The following MRPS12 variants were observed in gnomAD, a reference collection of about 807,000 sequenced individuals.
The protein encoded by MRPS12 is mitochondrial ribosomal protein S12.
A neutral mutation model predicts 8.4 loss-of-function variants in MRPS12; 7 were observed. That is an observed-to-expected ratio of 0.83 (90% confidence interval 0.47 to 1.56). The LOEUF (loss-of-function observed/expected upper bound fraction) is 1.56. Ranked by LOEUF, MRPS12 falls within the 40% of genes most tolerant of loss-of-function variation. The pLI is 0.01. For missense variants in MRPS12, 200 were observed against 194.1 expected (o/e 1.03, Z -0.18); for synonymous variants, 84 against 84.1 (o/e 1.00, Z 0.01).
Position 38,930,954 on chromosome 19 carries a change from A to G in MRPS12, c.-64A>G. On this transcript the variant is annotated 5_prime_UTR_variant, in exon 1 of 3. Coordinates refer to ENST00000308018, the MANE Select transcript of MRPS12 (RefSeq NM_033362.4). ...CGGATAGCGCCCGGAAGAGGCTAGA[A>G]GCTGGATTCAGCGTGTCCGCGACCT... 1 of 628,772 alleles carries G rather than the reference A, an allele frequency of 1.6e-6. No homozygotes were observed. The allele number at this position is 628,772 out of a possible 1,614,324, so 38.9% of individuals were successfully genotyped here. A position where few individuals can be genotyped will look rare whatever the true frequency, so the allele number is the denominator to read the frequency against.
chr19:38,932,773 C>T lies in MRPS12; in HGVS notation c.*73C>T, dbSNP rs1974787249. 1.9e-6 allele frequency: 3 copies of T among 1,551,882 alleles called. No homozygotes were observed. Among genetic ancestry groups the T allele is most frequent in the Middle Eastern group, 2.3e-4 (1 of 4,328 alleles). ...CCGCTCCTGGCTGCCACAGGGTCCT[C>T]CGATGCTGGCCTTTGCGCCTCTAGA... On this transcript the variant is annotated 3_prime_UTR_variant, in exon 3 of 3. Transcript: ENST00000308018.
intron 2 of MRPS12, 24 bp from the exon 3 acceptor site, chr19:38,932,309 A>G: frequency 6.6e-7 from 1 of 1,505,178 alleles, no homozygotes; most frequent in Non-Finnish European, 8.9e-7. Context: ...CTCTGGGATA[A>G]TAACCCCTTT....
Position 38,932,999 on chromosome 19 carries a change from A to G in MRPS12, c.*299A>G. On this transcript the variant is annotated 3_prime_UTR_variant, in exon 3 of 3. Transcript: ENST00000308018. ...GCTGGGAAGGGGTTTTAATAAACAG[A>G]CCCTGGCGCTTGTGATGTAAATCCC... 3 of 336,502 alleles carry G rather than the reference A, an allele frequency of 8.9e-6. No homozygotes were observed. The highest frequency in any genetic ancestry group is 5.5e-6 in the Non-Finnish European group (1 of 182,230). 20.8% of individuals were successfully genotyped at this position (336,502 alleles called of 1,614,324 possible).
chr19:38,931,437 C>T lies in MRPS12; in HGVS notation c.49+94C>T, dbSNP rs1974748332. 7.1e-6 allele frequency: 9 copies of T among 1,267,312 alleles called. 1 individual carries two copies. In the South Asian group the frequency reaches 1.3e-4, roughly 19 times the overall value. The allele number at this position is 1,267,312 out of a possible 1,614,324, so 78.5% of individuals were successfully genotyped here. On this transcript the variant is annotated intron_variant, in intron 2 of 2. Transcript: ENST00000308018. ...GCCTCCGTCGGAGCCCCGAGGGAAA[C>T]GGGGGTGGAAAAACACGGTGGGGTT...
chr19:38,932,426 A>G lies in MRPS12; in HGVS notation c.143A>G (p.Lys48Arg). 1 of 1,610,756 alleles carries G rather than the reference A, an allele frequency of 6.2e-7. No homozygotes were observed. Among genetic ancestry groups the G allele is most frequent in the Non-Finnish European group, 8.5e-7 (1 of 1,177,894 alleles). Residue 48 changes from lysine (K) to arginine (R), a missense_variant, in exon 3 of 3, where the codon AAG becomes AGG. Physicochemically the swap from Lys to Arg is conservative, Grantham distance 26. Transcript: ENST00000308018. The part of the protein sequence containing the change: ...RLGPPKRPPR[K>R]LGPTEGRPQL... ...GGGCCCCCCAAGCGGCCGCCTCGGA[A>G]GCTGGGCCCCACGGAAGGCCGGCCG...
At chr19:38,931,052 C>T in intron 1 of MRPS12, 54 bp downstream of exon 1, 2 of 598,498 alleles carry the variant, frequency 3.3e-6, no homozygotes, top group South Asian at 4.0e-5. Context: ...CCCAGTTTCC[C>T]AGTTCTTCCT....
rs1466464127 is a variant in MRPS12, at chr19:38,932,676, C to T, written c.393C>T (p.Asp131=). The part of the protein sequence containing the change: ...VKLTVVRGKY[D]CGHVQKK ...TCACCGTTGTGCGTGGCAAGTACGA[C>T]TGTGGCCACGTGCAGAAGAAGTGAC... The change falls in exon 3 of 3, where the codon GAC becomes GAT. Residue 131 remains aspartate (D), a synonymous_variant. Coordinates refer to ENST00000308018, the MANE Select transcript of MRPS12 (RefSeq NM_033362.4). The T allele has an allele frequency of 1.9e-6, 3 of 1,613,396 alleles. No individual in the cohort carries two copies. The highest frequency in any genetic ancestry group is 2.5e-6 in the Non-Finnish European group (3 of 1,179,972).
In MRPS12 at chr19:38,932,537, T is replaced by A; in HGVS notation, c.254T>A (p.Leu85His). Reference protein sequence around the residue: ...SANRKCCRVRLSTGREAVCFI... With the variant: ...SANRKCCRVRHSTGREAVCFI... ...AATCGCAAGTGCTGTCGAGTGCGGC[T>A]CAGCACTGGCCGCGAGGCCGTCTGC... The change falls in exon 3 of 3, where the codon CTC (leucine) becomes CAC (histidine). Residue 85 changes from leucine to histidine, a missense_variant. Transcript: ENST00000308018. 1 of 1,613,254 alleles carries A rather than the reference T, an allele frequency of 6.2e-7. No individual in the cohort carries two copies. The highest frequency in any genetic ancestry group is 8.5e-7 in the Non-Finnish European group (1 of 1,179,492).
rs749583880 is a variant in MRPS12, at chr19:38,932,601, G to T, written c.318G>T (p.Gln106His). The T allele has an allele frequency of 6.2e-7, 1 of 1,613,776 alleles. No homozygotes were observed. The highest frequency in any genetic ancestry group is 2.2e-5 in the East Asian group (1 of 44,888). The change falls in exon 3 of 3, where the codon CAG (glutamine) becomes CAT (histidine). Residue 106 changes from glutamine (Q) to histidine (H), a missense_variant. Transcript: ENST00000308018. ...AGGGCCACACCCTGCAGGAGCACCA[G>T]ATTGTCCTTGTGGAGGGCGGCCGCA... ...PGEGHTLQEH[Q>H]IVLVEGGRTQ...
At chr19:38,932,251 C>A (rs1283401977) in intron 2 of MRPS12, 82 bp from the exon 3 acceptor site, 2 of 1,413,376 alleles carry the variant, frequency 1.4e-6, no homozygotes, top group East Asian at 4.8e-5. Flanking sequence ...GTGCTTTAAA[C>A]AATGCCTAAA....
chr19:38,931,047 T>C (rs1275470445), intron 1 of MRPS12, 49 bp downstream of exon 1: 2 of 596,806 alleles, frequency 3.4e-6, no homozygotes, highest in Admixed American at 6.0e-5. Flanking sequence ...ATCTCCCCAG[T>C]TTCCCAGTTC....
At chr19:38,931,425 C>T in intron 2 of MRPS12, 82 bp downstream of exon 2, 8 of 1,346,620 alleles carry the variant, frequency 5.9e-6, no homozygotes, top group Non-Finnish European at 8.0e-6. Context: ...TCCGTCGGAG[C>T]CCCGAGGGAA....
chr19:38,932,750 G>T lies in MRPS12; in HGVS notation c.*50G>T. ...CGCCCCTGCAGAACATGAACCTTCCGCTCCTGGCTGCCACAGGGTCCTCCG... is the reference window on the plus strand; with the variant it reads ...CGCCCCTGCAGAACATGAACCTTCCTCTCCTGGCTGCCACAGGGTCCTCCG... On this transcript the variant is annotated 3_prime_UTR_variant, in exon 3 of 3. Transcript: ENST00000308018. 6.3e-7 allele frequency: 1 copy of T among 1,580,424 alleles called. No homozygotes were observed. Among genetic ancestry groups the T allele is most frequent in the Non-Finnish European group, 8.6e-7 (1 of 1,165,496 alleles).
chr19:38,932,363 C>CTTG lies in MRPS12; in HGVS notation c.80_81insTTG (p.Cys28dup), dbSNP rs1243578514. 1.3e-6 allele frequency: 2 copies of CTTG among 1,560,832 alleles called. No homozygotes were observed. Among genetic ancestry groups the CTTG allele is most frequent in the Non-Finnish European group, 1.7e-6 (2 of 1,150,146 alleles). On this transcript the variant is annotated inframe_insertion, in exon 3 of 3. Transcript: ENST00000308018. ...GCTCTGGTTCCCCGGCTCTGGGCTACCTGCTCCATGGCTACCCTGAACCAG... is the reference window on the plus strand; with the variant it reads ...GCTCTGGTTCCCCGGCTCTGGGCTACTTGCTGCTCCATGGCTACCCTGAACCAG...
intron 2 of MRPS12, 36 bp downstream of exon 2, chr19:38,931,379 GA>G (rs757528286): frequency 6.5e-6 from 10 of 1,546,292 alleles, no homozygotes; most frequent in Middle Eastern, 1.8e-4. Flanking sequence ...GACGAGGCTA[GA>G]GGGGGAGGGT....
At chr19:38,931,107 C>T (rs970744168) in intron 1 of MRPS12, 109 bp downstream of exon 1, 2 of 665,012 alleles carry the variant, frequency 3.0e-6, no homozygotes, top group Admixed American at 5.4e-5. Flanking sequence ...CCACTCAGAG[C>T]GAGGCTAAAT....
chr19:38,932,852 A>G lies in MRPS12; in HGVS notation c.*152A>G, dbSNP rs964738504. Reference sequence around the variant, plus strand: ...CTCCGCCTCTTCCATCAGGACCACTATTAAGCCATAGGAGTCCTGGGGGTG... The same window carrying G: ...CTCCGCCTCTTCCATCAGGACCACTGTTAAGCCATAGGAGTCCTGGGGGTG... On this transcript the variant is annotated 3_prime_UTR_variant, in exon 3 of 3. Transcript: ENST00000308018. 2 of 1,128,730 alleles carry G rather than the reference A, an allele frequency of 1.8e-6. No homozygotes were observed. Among genetic ancestry groups the G allele is most frequent in the Non-Finnish European group, 2.5e-6 (2 of 812,546 alleles). 69.9% of individuals were successfully genotyped at this position (1,128,730 alleles called of 1,614,324 possible).
At chr19:38,932,199 T>C in intron 2 of MRPS12, 134 bp from the exon 3 acceptor site, 3 of 776,964 alleles carry the variant, frequency 3.9e-6, no homozygotes, top group Non-Finnish European at 3.7e-6. Context: ...GTTACTTTTG[T>C]CTGTAGATAA....
At position 38,932,414 on chromosome 19, in the gene MRPS12, G is replaced by C. The variant is rs375471558; in HGVS notation, c.131G>C (p.Arg44Pro). 1 of 1,608,242 alleles carries C rather than the reference G, an allele frequency of 6.2e-7. No individual in the cohort carries two copies. The highest frequency in any genetic ancestry group is 2.2e-5 in the East Asian group (1 of 44,764). ...NQMHRLGPPK[R>P]PPRKLGPTEG... ...ATGCACCGCCTGGGGCCCCCCAAGC[G>C]GCCGCCTCGGAAGCTGGGCCCCACG... The change falls in exon 3 of 3, where the codon CGG becomes CCG. Residue 44 changes from arginine (R) to proline (P), a missense_variant. Arg to Pro is a moderately radical substitution (Grantham distance 103). Coordinates refer to ENST00000308018, the MANE Select transcript of MRPS12 (RefSeq NM_033362.4).
Sources: gnomAD v4.1 joint callset for allele counts on GRCh38, gnomAD v4.1.1 for gene constraint, MANE v1.5 for transcripts, NCBI Gene and HGNC (gene_info 2026-07-23, HGNC 2026-07-21) for gene names.